The following IFT56 variants were observed in gnomAD, a reference collection of about 807,000 sequenced individuals.
IFT56 encodes the protein intraflagellar transport protein 56.
the IFT56 span, chr7:139,161,044 T>C: frequency 6.2e-7 from 1 of 1,605,512 alleles, no homozygotes; most frequent in African/African-American, 1.3e-5. Flanking sequence ...TTTCCCGTCT[T>C]GACTGAGTTC....
At chr7:139,143,217 T>C in the IFT56 span, among the ~76,000 whole-genome samples, 2 of 152,274 alleles carry the variant, frequency 1.3e-5, no homozygotes, top group South Asian at 4.1e-4. Flanking sequence ...TATTGCTAAG[T>C]TGTTTTACAG....
At chr7:139,146,766 C>CAAA in the IFT56 span, among the ~76,000 whole-genome samples, 15 of 88,676 alleles carry the variant, frequency 1.7e-4, no homozygotes, top group Middle Eastern at 6.8e-3. Flanking sequence ...GACTCCGTTT[C>CAAA]AAAAAAAAAA....
At chr7:139,139,925 T>A in the IFT56 span, 1 of 1,612,790 alleles carries the variant, frequency 6.2e-7, no homozygotes, top group Non-Finnish European at 8.5e-7. Flanking sequence ...AAAATTGTAA[T>A]TCTGAAGTCT....
At chr7:139,156,849 C>T in the IFT56 span, among the ~76,000 whole-genome samples, 7 of 152,172 alleles carry the variant, frequency 4.6e-5, no homozygotes, top group Non-Finnish European at 7.4e-5. Flanking sequence ...CAATGCCATA[C>T]GGCCTTAATT....
chr7:139,161,214 A>T, the IFT56 span: 1 of 502,730 alleles, frequency 2.0e-6, no homozygotes, highest in Non-Finnish European at 3.5e-6. Context: ...TGTTGGGAGA[A>T]CAGGAATATA....
the IFT56 span, among the ~76,000 whole-genome samples, chr7:139,175,364 C>T: frequency 6.6e-6 from 1 of 152,188 alleles, no homozygotes; most frequent in Non-Finnish European, 1.5e-5. Context: ...AGAAATCTCA[C>T]TGCTAGGTAT....
the IFT56 span, chr7:139,148,413 C>T: frequency 7.0e-6 from 11 of 1,570,396 alleles, no homozygotes; most frequent in Non-Finnish European, 7.9e-6. Flanking sequence ...GTACTTCATT[C>T]CAATTTGAAT....
At chr7:139,173,943 C>T in the IFT56 span, 1 of 688,876 alleles carries the variant, frequency 1.5e-6, no homozygotes, top group East Asian at 2.9e-5. Context: ...ACTTTCTTCA[C>T]TTATTCTTCA....
chr7:139,146,537 G>A, the IFT56 span, among the ~76,000 whole-genome samples: 35,230 of 152,056 alleles, frequency 0.23, 7,183 homozygotes, highest in African/African-American at 0.51. Flanking sequence ...GGAGGCTGAG[G>A]TGGGCGGATC....
chr7:139,137,840 C>T, the IFT56 span: 12 of 1,608,514 alleles, frequency 7.5e-6, no homozygotes, highest in Non-Finnish European at 1.0e-5. Context: ...ACATTTTTAA[C>T]CTGAAGTTCA....
the IFT56 span, chr7:139,148,219 C>G: frequency 6.8e-6 from 11 of 1,611,526 alleles, no homozygotes; most frequent in Non-Finnish European, 9.3e-6. Context: ...ATACCTTGCC[C>G]TTAATGTTTA....
chr7:139,160,910 C>T, the IFT56 span: 1 of 1,525,436 alleles, frequency 6.6e-7, no homozygotes, highest in Non-Finnish European at 9.1e-7. Flanking sequence ...GAACTATACA[C>T]TTGTCATTTT....
the IFT56 span, among the ~76,000 whole-genome samples, chr7:139,158,649 C>T: frequency 6.6e-6 from 1 of 152,014 alleles, no homozygotes. Context: ...CATGGTGGCT[C>T]ACGTCTGTAA....
At chr7:139,147,438 T>A in the IFT56 span, 31 of 745,210 alleles carry the variant, frequency 4.2e-5, no homozygotes, top group Admixed American at 8.2e-4. Context: ...AAGAATTAGA[T>A]ATTGTCTAAA....
At chr7:139,181,220 G>C in the IFT56 span, 1 of 1,543,832 alleles carries the variant, frequency 6.5e-7, no homozygotes, top group Non-Finnish European at 8.9e-7. Flanking sequence ...TGAGACTAAA[G>C]GGAACATTAA....
chr7:139,189,368 C>A, the IFT56 span: 1 of 1,613,356 alleles, frequency 6.2e-7, no homozygotes, highest in Non-Finnish European at 8.5e-7. Flanking sequence ...ACAGGTAACA[C>A]CCAAGTAGAA....
chr7:139,137,761 C>CGTT, the IFT56 span: 2 of 977,246 alleles, frequency 2.0e-6, no homozygotes, highest in African/African-American at 3.9e-5. Flanking sequence ...TGCCTGTTGT[C>CGTT]AGTAACCCAA....
At chr7:139,160,576 C>T in the IFT56 span, among the ~76,000 whole-genome samples, 2 of 152,020 alleles carry the variant, frequency 1.3e-5, no homozygotes, top group African/African-American at 4.8e-5. Flanking sequence ...ACTACAGGCT[C>T]GCGCTACCAC....
At chr7:139,168,582 C>T in the IFT56 span, 1 of 358,278 alleles carries the variant, frequency 2.8e-6, no homozygotes, top group Admixed American at 4.4e-5. Context: ...AAAAAAAAAA[C>T]AAAAAAAAAA....
Sources: allele counts gnomAD v4.1 joint callset (sites outside exome capture counted in the v4.1 genomes callset), GRCh38; gene constraint gnomAD v4.1.1; transcripts MANE v1.5; gene names NCBI Gene and HGNC (gene_info 2026-07-23, HGNC 2026-07-21).